The following SLC12A2 variants were observed in gnomAD, a reference collection of about 807,000 sequenced individuals.
SLC12A2 encodes the protein Na-K-2Cl cotransporter 1.
SLC12A2 carries 67 observed loss-of-function variants against 136.3 expected under a neutral mutation model. The ratio of observed to expected loss-of-function variants is 0.49; its 90% CI spans 0.40 to 0.60. The LOEUF (loss-of-function observed/expected upper bound fraction) is 0.60, where lower values mean the gene tolerates loss of function less well. SLC12A2 is among the 20% of genes least tolerant of loss of function. The pLI, the probability that SLC12A2 is intolerant of heterozygous loss-of-function variation, is 0.00. For missense variants in SLC12A2, 1,322 were observed against 1,534.7 expected, an observed-to-expected ratio of 0.86 and a Z score of 2.32; for synonymous variants, 619 against 562.9, an observed-to-expected ratio of 1.10 and a Z score of -1.41.
chr5:128,148,695 A>G lies in SLC12A2; in HGVS notation c.1882-59A>G, dbSNP rs1035650141. 8.0e-5 allele frequency: 113 copies of G among 1,410,492 alleles called. No homozygotes were observed. In the Admixed American group the frequency reaches 1.2e-3, roughly 14 times the overall value. 87.4% of individuals were successfully genotyped at this position (1,410,492 alleles called of 1,614,324 possible). Reference sequence around the variant, plus strand: ...CATTCCTGATTAACCTATTAGAACTATCAGCAAATCTGCATGTCTAATTTT... The same window carrying G: ...CATTCCTGATTAACCTATTAGAACTGTCAGCAAATCTGCATGTCTAATTTT... On this transcript the variant is annotated intron_variant, in intron 11 of 26. Transcript: ENST00000262461.
chr5:128,131,968 G>A (rs1762039072), intron 5 of SLC12A2, among the ~76,000 whole-genome samples: 1 of 152,190 alleles, frequency 6.6e-6, no homozygotes, highest in African/African-American at 2.4e-5. Flanking sequence ...TCGCGCCTTT[G>A]CTCTCCAACC....
intron 16 of SLC12A2, among the ~76,000 whole-genome samples, chr5:128,159,717 A>G (rs928053934): frequency 6.6e-6 from 1 of 152,212 alleles, no homozygotes; most frequent in Non-Finnish European, 1.5e-5. Flanking sequence ...TAGAAGGGCA[A>G]TCATTAAAAA....
chr5:128,111,000 TGCA>T (rs148024557), intron 1 of SLC12A2: 8,214 of 747,482 alleles, frequency 0.011, 67 homozygotes, highest in Non-Finnish European at 0.015. Context: ...AACTCTGATA[TGCA>T]AAATAACTTC....
intron 17 of SLC12A2, among the ~76,000 whole-genome samples, chr5:128,167,029 TA>T (rs1430677233): frequency 6.6e-6 from 1 of 152,046 alleles, no homozygotes; most frequent in African/African-American, 2.4e-5. Flanking sequence ...ATACAAATTT[TA>T]AAAATACAAT....
intron 1 of SLC12A2, among the ~76,000 whole-genome samples, chr5:128,086,931 A>G (rs999388922): frequency 8.5e-5 from 13 of 152,212 alleles, no homozygotes; most frequent in Non-Finnish European, 1.2e-4. Context: ...GAATTTTTAT[A>G]ACACCTAATT....
chr5:128,129,282 A>G (rs1761929040), intron 4 of SLC12A2, among the ~76,000 whole-genome samples: 1 of 152,086 alleles, frequency 6.6e-6, no homozygotes, highest in Non-Finnish European at 1.5e-5. Context: ...CGTTAGATAA[A>G]GGCTGATAAT....
intron 10 of SLC12A2, among the ~76,000 whole-genome samples, chr5:128,144,229 C>G (rs976742076): frequency 3.9e-5 from 6 of 151,982 alleles, no homozygotes; most frequent in African/African-American, 1.5e-4. Flanking sequence ...CTCATTCGAG[C>G]AAAGAGGAAT....
intron 24 of SLC12A2, 43 bp downstream of exon 24, chr5:128,182,984 A>T: frequency 8.6e-7 from 1 of 1,160,632 alleles, no homozygotes; most frequent in Non-Finnish European, 1.3e-6. Context: ...TAGATGGCCT[A>T]CTCAGACACA....
chr5:128,084,685 C>T lies in SLC12A2; in HGVS notation c.731C>T (p.Ala244Val). 1.2e-6 allele frequency: 2 copies of T among 1,604,730 alleles called. No homozygotes were observed. The highest frequency in any genetic ancestry group is 1.7e-6 in the Non-Finnish European group (2 of 1,174,902). Residue 244 changes from alanine to valine, a missense_variant, in exon 1 of 27, where the codon GCG becomes GTG. Physicochemically the swap from Ala to Val is moderately conservative, Grantham distance 64. This residue lies in a region of SLC12A2 where 32 missense variants were observed against 63.6 expected (regional missense o/e 0.50). Coordinates refer to ENST00000262461, the MANE Select transcript of SLC12A2 (RefSeq NM_001046.3). The surrounding 1 kb of genome is among the most constrained non-coding windows in gnomAD (Gnocchi z 5.6). Reference sequence around the variant, plus strand: ...GAGAAGCTGCTCCGGCCTAGCCTGGCGGAGCTCCACGACGAGCTGGAAAAG... The same window carrying T: ...GAGAAGCTGCTCCGGCCTAGCCTGGTGGAGCTCCACGACGAGCTGGAAAAG... Reference protein sequence around the residue: ...LGEKLLRPSLAELHDELEKEP... With the variant: ...LGEKLLRPSLVELHDELEKEP...
intron 16 of SLC12A2, among the ~76,000 whole-genome samples, 158 bp from the exon 17 acceptor site, chr5:128,161,502 G>A (rs1213088358): frequency 6.6e-6 from 1 of 151,904 alleles, no homozygotes; most frequent in African/African-American, 2.4e-5. Context: ...GTAATCTTAT[G>A]TATTAAAAAG....
intron 2 of SLC12A2, among the ~76,000 whole-genome samples, chr5:128,113,567 T>C (rs1404972953): frequency 2.6e-5 from 4 of 152,078 alleles, no homozygotes; most frequent in Non-Finnish European, 5.9e-5. Context: ...CAGGGAGAAA[T>C]AGAGGGAAAA....
intron 2 of SLC12A2, among the ~76,000 whole-genome samples, chr5:128,113,184 T>C (rs533270661): frequency 4.6e-5 from 7 of 152,190 alleles, no homozygotes; most frequent in Non-Finnish European, 8.8e-5. Flanking sequence ...TTACTGATGG[T>C]ATTAAATTAT....
intron 4 of SLC12A2, among the ~76,000 whole-genome samples, chr5:128,120,247 T>G (rs944109352): frequency 6.6e-6 from 1 of 150,490 alleles, no homozygotes; most frequent in Non-Finnish European, 1.5e-5. Context: ...AGGAACACTT[T>G]TACACCGTTG....
chr5:128,117,387 A>T (rs1301763427), intron 4 of SLC12A2, among the ~76,000 whole-genome samples: 1 of 152,180 alleles, frequency 6.6e-6, no homozygotes, highest in Non-Finnish European at 1.5e-5. Flanking sequence ...AAAAAATCTC[A>T]CTTTTCACCT....
intron 15 of SLC12A2, among the ~76,000 whole-genome samples, chr5:128,154,064 AAAAC>A (rs1762795714): frequency 3.0e-5 from 4 of 133,666 alleles, no homozygotes. Flanking sequence ...ATTAAAAAAA[AAAAC>A]AAAAAAAAAA....
intron 17 of SLC12A2, among the ~76,000 whole-genome samples, chr5:128,163,879 G>A (rs962528188): frequency 6.6e-6 from 1 of 152,108 alleles, no homozygotes; most frequent in Admixed American, 6.6e-5. Flanking sequence ...TAACGGCGCG[G>A]TAGATACATG....
chr5:128,117,981 T>C (rs1761412534), intron 4 of SLC12A2, among the ~76,000 whole-genome samples: 1 of 152,108 alleles, frequency 6.6e-6, no homozygotes, highest in Non-Finnish European at 1.5e-5. Flanking sequence ...GCATCACTAA[T>C]TATCAGAGAA....
chr5:128,160,631 T>C (rs955965470), intron 16 of SLC12A2, among the ~76,000 whole-genome samples: 2 of 152,088 alleles, frequency 1.3e-5, no homozygotes, highest in African/African-American at 2.4e-5. Context: ...CCGAAAGTAG[T>C]TTTTAGTTTT....
intron 19 of SLC12A2, 43 bp from the exon 20 acceptor site, chr5:128,174,498 A>C (rs566701211): frequency 1.8e-4 from 260 of 1,465,608 alleles, no homozygotes; most frequent in Non-Finnish European, 2.4e-4. Flanking sequence ...TTAACAGTTA[A>C]AATATGACTT....
Sources: gnomAD v4.1 joint callset for allele counts (sites outside exome capture counted in the v4.1 genomes callset) on GRCh38, gnomAD v4.1.1 for gene constraint, gnomAD v4.1.1 regional missense constraint, Gnocchi (gnomAD v3.1) non-coding constraint, MANE v1.5 for transcripts, NCBI Gene and HGNC (gene_info 2026-07-23, HGNC 2026-07-21) for gene names.